The following NTRK1 variants were observed in gnomAD, a reference collection of about 807,000 sequenced individuals.
NTRK1 encodes high affinity nerve growth factor receptor.
In NTRK1, 62 loss-of-function variants were observed where a neutral mutation model predicts 86.8. The ratio of observed to expected loss-of-function variants is 0.71; its 90% CI spans 0.58 to 0.88. The LOEUF is 0.88. Ranked by LOEUF, NTRK1 falls within the 40% of genes least tolerant of loss-of-function variation. The pLI is 0.00. For missense variants in NTRK1, 967 were observed against 1,078.4 expected, an observed-to-expected ratio of 0.90 and a Z score of 1.45; for synonymous variants, 469 against 456.6, an observed-to-expected ratio of 1.03 and a Z score of -0.35.
At chr1:156,868,333 G>C in intron 5 of NTRK1, 84 bp downstream of exon 5, 1 of 1,569,804 alleles carries the variant, frequency 6.4e-7, no homozygotes, top group Non-Finnish European at 8.6e-7. Flanking sequence ...AGCAAGCACT[G>C]AAAAGGCCTG....
At chr1:156,849,512 G>A (rs1332078112) in intron 2 of NTRK1, 1 of 1,114,964 alleles carries the variant, frequency 9.0e-7, no homozygotes. Flanking sequence ...GCAGGGGGTG[G>A]GAAAGGGGAT....
At position 156,854,890 on chromosome 1, in the gene NTRK1, A is replaced by G. The variant is rs921655351; in HGVS notation, c.51-9464A>G. Among the ~76,000 whole-genome samples, 6 of 151,944 alleles carry G rather than the reference A, an allele frequency of 3.9e-5. No homozygotes were observed. The highest frequency in any genetic ancestry group is 1.2e-4 in the African/African-American group (5 of 41,348). On this transcript the variant is annotated intron_variant, in intron 2 of 16. Coordinates refer to the NTRK1 transcript ENST00000392302. The surrounding 1 kb of genome is among the most constrained non-coding windows in gnomAD (Gnocchi z 4.2). Reference sequence around the variant, plus strand: ...CTGCTTATAACCCCCCGTGACTTCCATCTCTCTTGATCTTACTACAGCCTA... The same window carrying G: ...CTGCTTATAACCCCCCGTGACTTCCGTCTCTCTTGATCTTACTACAGCCTA...
rs1444452580 is a variant in NTRK1, at chr1:156,881,485, A to G, written c.2234A>G (p.Glu745Gly). ...EAIDCITQGR[E>G]LERPRACPPE... ...ATCGACTGCATCACGCAGGGACGTG[A>G]GTTGGAGCGGCCACGTGCCTGCCCA... Residue 745 changes from glutamate (E) to glycine (G), a missense_variant, in exon 17 of 17, where the codon GAG becomes GGG. Glu to Gly is a moderately conservative substitution (Grantham distance 98, BLOSUM62 -2). This residue lies in a region of NTRK1 where 637 missense variants were observed against 776.5 expected (regional missense o/e 0.82). Transcript: ENST00000524377. 1 of 1,584,098 alleles carries G rather than the reference A, an allele frequency of 6.3e-7. No homozygotes were observed.
In NTRK1 at chr1:156,881,596, A is replaced by C. The variant is rs1476492462; in HGVS notation, c.2345A>C (p.Gln782Pro). The C allele has an allele frequency of 1.2e-6, 2 of 1,611,342 alleles. No homozygotes were observed. The highest frequency in any genetic ancestry group is 2.7e-5 in the African/African-American group (2 of 74,922). Residue 782 changes from glutamine (Q) to proline (P), a missense_variant, in exon 17 of 17, where the codon CAA (glutamine) becomes CCA (proline). Around this residue, in one of 2 missense-constraint regions of NTRK1, gnomAD observed 637 missense variants for 776.5 expected, o/e 0.82. Coordinates refer to ENST00000524377, the MANE Select transcript of NTRK1 (RefSeq NM_002529.4). ...ATCAAGGATGTGCACGCCCGGCTGCAAGCCCTGGCCCAGGCACCTCCTGTC... is the reference window on the plus strand; with the variant it reads ...ATCAAGGATGTGCACGCCCGGCTGCCAGCCCTGGCCCAGGCACCTCCTGTC... ...HSIKDVHARL[Q>P]ALAQAPPVYL...
intron 1 of NTRK1, among the ~76,000 whole-genome samples, chr1:156,826,390 T>G (rs1266095334): frequency 7.0e-6 from 1 of 143,626 alleles, no homozygotes; most frequent in African/African-American, 2.6e-5. Context: ...AAGCTCTGCC[T>G]CCCGGGTTCA....
chr1:156,839,262 C>T (rs949193338), intron 1 of NTRK1, among the ~76,000 whole-genome samples: 1 of 152,246 alleles, frequency 6.6e-6, no homozygotes, highest in African/African-American at 2.4e-5. Flanking sequence ...CAACTGCTGG[C>T]GGGCGTGAGC....
chr1:156,858,729 G>T, upstream of NTRK1: 3 of 859,752 alleles, frequency 3.5e-6, no homozygotes, highest in Admixed American at 1.9e-5. Flanking sequence ...AGATAGGAGA[G>T]GGAGGGCAGG....
chr1:156,859,316 C>T (rs942828132), upstream of NTRK1, among the ~76,000 whole-genome samples: 2 of 152,098 alleles, frequency 1.3e-5, no homozygotes, highest in South Asian at 4.1e-4. The surrounding 1 kb of genome is among the most constrained non-coding windows in gnomAD (Gnocchi z 6.2). Context: ...AACTGAGCTT[C>T]CTCAAATCCC....
At chr1:156,870,780 T>A (rs538497552) in intron 6 of NTRK1, among the ~76,000 whole-genome samples, 1 of 152,356 alleles carries the variant, frequency 6.6e-6, no homozygotes, top group East Asian at 1.9e-4. Flanking sequence ...TTTGTCCACC[T>A]CTTCAGCTTA....
Position 156,873,931 on chromosome 1 carries a change from C to T in NTRK1, c.1149C>T (p.Phe383=), listed in dbSNP as rs776605207. The T allele has an allele frequency of 3.0e-5, 47 of 1,557,134 alleles. No individual in the cohort carries two copies. In the East Asian group the frequency reaches 9.2e-4, roughly 30 times the overall value. ...SIMAAFMDNP[F]EFNPEDPIPV... ...TGGCTGCCTTCATGGACAACCCTTT[C>T]GAGTTCAACCCCGAGGACCCCATCC... Residue 383 remains phenylalanine (F), a synonymous_variant, in exon 8 of 17, where the codon TTC becomes TTT. Transcript: ENST00000524377.
At position 156,854,409 on chromosome 1, in the gene NTRK1, G is replaced by A; in HGVS notation, c.51-9945G>A. 1 of 1,192,574 alleles carries A rather than the reference G, an allele frequency of 8.4e-7. No individual in the cohort carries two copies. The highest frequency in any genetic ancestry group is 1.5e-5 in the South Asian group (1 of 67,018). The allele number at this position is 1,192,574 out of a possible 1,614,324, so 73.9% of individuals were successfully genotyped here. A position where few individuals can be genotyped will look rare whatever the true frequency, so the allele number is the denominator to read the frequency against. ...CCACACTGGCAGTAGGACAATGAGT[G>A]AGGAGCCGGGCTCTGCTCTGGGTGT... On this transcript the variant is annotated intron_variant, in intron 2 of 16. Coordinates refer to the NTRK1 transcript ENST00000392302. The surrounding 1 kb of genome is among the most constrained non-coding windows in gnomAD (Gnocchi z 4.2).
chr1:156,874,274 C>T (rs1647757292), intron 8 of NTRK1, 109 bp from the exon 9 acceptor site: 6 of 1,522,288 alleles, frequency 3.9e-6, no homozygotes, highest in Non-Finnish European at 5.5e-6. Context: ...CCCCCTCGTC[C>T]CATGAAGGAA....
chr1:156,864,652 G>A, intron 2 of NTRK1, 76 bp from the exon 3 acceptor site: 1 of 1,504,562 alleles, frequency 6.6e-7, no homozygotes, highest in Non-Finnish European at 9.2e-7. Context: ...GGACTGGGAG[G>A]CTGGGATGGG....
At chr1:156,843,594 A>G (rs1438642553) in intron 2 of NTRK1, 1 of 1,105,420 alleles carries the variant, frequency 9.0e-7, no homozygotes, top group Admixed American at 1.7e-5. Flanking sequence ...CCACACCCCC[A>G]GCCTTGGTCA....
Position 156,825,031 on chromosome 1 carries a change from A to T in NTRK1, c.-64+9193A>T, listed in dbSNP as rs559408699. ...CAGCCTCCCAAGTAGCTGGGATTAC[A>T]GGCATGCGCCACCACGCCCGGCTAA... On this transcript the variant is annotated intron_variant, in intron 1 of 16. Transcript: ENST00000392302. 4.2e-4 allele frequency among the ~76,000 whole-genome samples: 64 copies of T among 152,332 alleles called. 1 individual carries two copies. The South Asian group carries it at 8.5e-3, about 20-fold the overall frequency.
At chr1:156,844,084 T>C in intron 2 of NTRK1, 2 of 914,800 alleles carry the variant, frequency 2.2e-6, no homozygotes, top group South Asian at 3.0e-5. Flanking sequence ...AAGACCTGTC[T>C]TTCTACTGTC....
intron 2 of NTRK1, chr1:156,848,902 C>T: frequency 3.9e-6 from 6 of 1,552,600 alleles, no homozygotes; most frequent in Non-Finnish European, 5.2e-6. Flanking sequence ...CCCGCTCCGG[C>T]CCCGCCCCCG....
rs528547348 is a variant in NTRK1 at position 156,873,828 on chromosome 1, A to G, written c.1046A>G (p.Asn349Ser). The change falls in exon 8 of 17, where the codon AAC becomes AGC. Residue 349 changes from asparagine (N) to serine (S), a missense_variant. By Grantham distance (46) the Asn-to-Ser change is conservative. Transcript: ENST00000524377. ...ETVRHGCLRL[N>S]QPTHVNNGNY... Reference sequence around the variant, plus strand: ...GTGCGGCACGGGTGTCTGCGCCTCAACCAGCCCACCCACGTCAACAACGGC... The same window carrying G: ...GTGCGGCACGGGTGTCTGCGCCTCAGCCAGCCCACCCACGTCAACAACGGC... 2 of 1,611,808 alleles carry G rather than the reference A, an allele frequency of 1.2e-6. No individual in the cohort carries two copies. The highest frequency in any genetic ancestry group is 4.5e-5 in the East Asian group (2 of 44,802).
At chr1:156,823,041 C>T (rs1466225859) in intron 1 of NTRK1, among the ~76,000 whole-genome samples, 1 of 152,180 alleles carries the variant, frequency 6.6e-6, no homozygotes, top group African/African-American at 2.4e-5. Context: ...GAAGTTGCTG[C>T]TACCAGTTGA....
Sources: gnomAD v4.1 joint callset for allele counts (sites outside exome capture counted in the v4.1 genomes callset) on GRCh38, gnomAD v4.1.1 for gene constraint, gnomAD v4.1.1 regional missense constraint, Gnocchi (gnomAD v3.1) non-coding constraint, MANE v1.5 for transcripts, NCBI Gene and HGNC (gene_info 2026-07-23, HGNC 2026-07-21) for gene names.